The following SYN3 variants were observed in gnomAD, a reference collection of about 807,000 sequenced individuals.
The protein encoded by SYN3 is synapsin III.
In SYN3, 35 loss-of-function variants were observed where a neutral mutation model predicts 65.8. That is an observed-to-expected ratio of 0.53 (90% CI 0.41 to 0.70). SYN3 has a LOEUF of 0.70. Ranked by LOEUF, SYN3 falls within the 30% of genes least tolerant of loss-of-function variation. SYN3 has a pLI of 0.00. For synonymous variants in SYN3, 270 were observed against 292.9 expected (o/e 0.92, Z 0.80); for missense variants, 680 against 749.0 (o/e 0.91, Z 1.08).
At chr22:32,991,338 AAATAATAATAATAATAAT>A (rs60884096) in intron 2 of SYN3, among the ~76,000 whole-genome samples, 2 of 142,618 alleles carry the variant, frequency 1.4e-5, no homozygotes, top group South Asian at 2.2e-4. Context: ...ACTCCATCTC[AAATAATAATAATAATAAT>A]AATAATAATA....
At chr22:32,520,153 T>C (rs1305212211) in intron 12 of SYN3, among the ~76,000 whole-genome samples, 2 of 152,168 alleles carry the variant, frequency 1.3e-5, no homozygotes, top group Admixed American at 1.3e-4. Flanking sequence ...ATATATATAA[T>C]TTTTAATTAA....
intron 7 of SYN3, among the ~76,000 whole-genome samples, chr22:32,542,630 A>ATGTGTGTG (rs3838157): frequency 1.6e-3 from 215 of 135,424 alleles, no homozygotes; most frequent in Middle Eastern, 3.6e-3. Context: ...GTTTGTGTGT[A>ATGTGTGTG]TGTGTGTGTG....
rs947247452 is a variant in SYN3 at position 32,666,423 on chromosome 22, C to T, written c.712-69687G>A. On this transcript the variant is annotated intron_variant, in intron 6 of 13. Coordinates refer to ENST00000358763, the MANE Select transcript of SYN3 (RefSeq NM_003490.4). Reference sequence around the variant, plus strand: ...TTCAGCTCTCTTGTCCCCTTTGTCCCCTCTCTCACTCTGCTCTGGCCATGT... The same window carrying T: ...TTCAGCTCTCTTGTCCCCTTTGTCCTCTCTCTCACTCTGCTCTGGCCATGT... 2.0e-5 allele frequency among the ~76,000 whole-genome samples: 3 copies of T among 152,096 alleles called. No homozygotes were observed. The South Asian group carries it at 6.2e-4, about 32-fold the overall frequency.
chr22:32,699,566 A>G (rs1220257005), intron 6 of SYN3, among the ~76,000 whole-genome samples: 1 of 150,322 alleles, frequency 6.7e-6, no homozygotes, highest in African/African-American at 2.5e-5. Context: ...AGGCTCTACC[A>G]TGGACTCACT....
intron 1 of SYN3, among the ~76,000 whole-genome samples, chr22:33,029,406 C>T (rs2053709993): frequency 2.0e-5 from 3 of 152,090 alleles, no homozygotes; most frequent in Admixed American, 2.0e-4. Flanking sequence ...TGGTCTGGAA[C>T]TCCTGGCCTC....
chr22:32,893,361 G>A (rs575343409), intron 4 of SYN3, among the ~76,000 whole-genome samples: 1 of 152,314 alleles, frequency 6.6e-6, no homozygotes, highest in South Asian at 2.1e-4. Flanking sequence ...AGCCCTGGAA[G>A]AGACTCACAT....
chr22:32,663,932 C>G (rs1231585525), intron 6 of SYN3, among the ~76,000 whole-genome samples: 1 of 135,654 alleles, frequency 7.4e-6, no homozygotes, highest in Non-Finnish European at 1.5e-5. Flanking sequence ...TAACAGCATT[C>G]CCCCCCCACA....
chr22:32,553,246 A>C (rs2058442851), intron 7 of SYN3, among the ~76,000 whole-genome samples: 1 of 152,210 alleles, frequency 6.6e-6, no homozygotes, highest in Non-Finnish European at 1.5e-5. Context: ...TCATGTCCTC[A>C]TGTCCTCTCC....
At chr22:32,843,951 G>A (rs550372093) in intron 6 of SYN3, among the ~76,000 whole-genome samples, 10 of 152,166 alleles carry the variant, frequency 6.6e-5, no homozygotes, top group Middle Eastern at 3.4e-3. Flanking sequence ...GTGGGGTGGC[G>A]GTGGTATCTC....
At chr22:33,030,364 G>A (rs993584542) in intron 1 of SYN3, among the ~76,000 whole-genome samples, 1 of 152,198 alleles carries the variant, frequency 6.6e-6, no homozygotes, top group Non-Finnish European at 1.5e-5. Flanking sequence ...GCACCGAAAT[G>A]AGGGGAAAAC....
At chr22:32,940,220 A>G (rs564754129) in intron 3 of SYN3, among the ~76,000 whole-genome samples, 1 of 152,068 alleles carries the variant, frequency 6.6e-6, no homozygotes, top group African/African-American at 2.4e-5. Flanking sequence ...TTATCTTATT[A>G]ATTTATAAAG....
At chr22:32,763,310 C>T (rs1447495732) in intron 6 of SYN3, among the ~76,000 whole-genome samples, 2 of 151,942 alleles carry the variant, frequency 1.3e-5, no homozygotes, top group Non-Finnish European at 2.9e-5. Flanking sequence ...CCACGCCTGG[C>T]TAATTTTTTT....
intron 6 of SYN3, among the ~76,000 whole-genome samples, chr22:32,852,300 C>T (rs1181190033): frequency 2.0e-5 from 3 of 152,190 alleles, no homozygotes; most frequent in Non-Finnish European, 4.4e-5. Flanking sequence ...TTCCTACCCA[C>T]TTTGGGGTAT....
chr22:32,671,260 ACT>A (rs1709914297), intron 6 of SYN3, among the ~76,000 whole-genome samples: 1 of 151,486 alleles, frequency 6.6e-6, no homozygotes, highest in East Asian at 1.9e-4. Context: ...ATTGACATGC[ACT>A]CTTACACACT....
In SYN3 at chr22:32,952,301, T is replaced by G. The variant is rs532428299; in HGVS notation, c.370-20820A>C. On this transcript the variant is annotated intron_variant, in intron 3 of 13. Transcript: ENST00000358763. Reference sequence around the variant, plus strand: ...TGTGAATAATGTGTGTGTGGGGGGGTGTGTGTGTGTGTGGACAGGCAGGGT... The same window carrying G: ...TGTGAATAATGTGTGTGTGGGGGGGGGTGTGTGTGTGTGGACAGGCAGGGT... 7.8e-3 allele frequency among the ~76,000 whole-genome samples: 1,147 copies of G among 146,558 alleles called. 11 individuals carry two copies. The highest frequency in any genetic ancestry group is 0.028 in the African/African-American group (1,093 of 39,140).
intron 6 of SYN3, among the ~76,000 whole-genome samples, chr22:32,709,003 A>G (rs2060919035): frequency 6.6e-6 from 1 of 152,188 alleles, no homozygotes; most frequent in Non-Finnish European, 1.5e-5. Context: ...AGTGATGGGA[A>G]GTGGGGCCAG....
At chr22:32,779,897 A>G (rs2001051) in intron 6 of SYN3, among the ~76,000 whole-genome samples, 87,100 of 151,550 alleles carry the variant, frequency 0.57, 25,590 homozygotes, top group African/African-American at 0.71. Flanking sequence ...AGCCAAACAC[A>G]GCAGGGGAGC....
Position 32,910,655 on chromosome 22 carries a change from G to A in SYN3, c.461+20735C>T, listed in dbSNP as rs535382260. Among the ~76,000 whole-genome samples, 356 of 146,216 alleles carry A rather than the reference G, an allele frequency of 2.4e-3. 1 individual carries two copies. The highest frequency in any genetic ancestry group is 0.01 in the Middle Eastern group (3 of 288). The stretch of plus-strand genomic sequence containing the variant: ...ATTCGGTTGGTGCAAACGTAATTGC[G>A]CTTTTGCCATTGAAAGTAATGGCAA... On this transcript the variant is annotated intron_variant, in intron 4 of 13. Coordinates refer to ENST00000358763, the MANE Select transcript of SYN3 (RefSeq NM_003490.4).
intron 6 of SYN3, among the ~76,000 whole-genome samples, chr22:32,745,572 G>A (rs942574380): frequency 1.4e-4 from 21 of 152,266 alleles, no homozygotes; most frequent in Non-Finnish European, 1.0e-4. Context: ...CTGGAAACTC[G>A]GAGAGGTCTG....
Sources: allele counts gnomAD v4.1 joint callset (sites outside exome capture counted in the v4.1 genomes callset), GRCh38; gene constraint gnomAD v4.1.1; transcripts MANE v1.5; gene names NCBI Gene and HGNC (gene_info 2026-07-23, HGNC 2026-07-21).